The following TMEM108 variants were observed in gnomAD, a reference collection of about 807,000 sequenced individuals.
The protein encoded by TMEM108 is transmembrane protein 108.
A neutral mutation model predicts 35.1 loss-of-function variants in TMEM108; 12 were observed. The observed-to-expected ratio is 0.34, with a 90% CI of 0.22 to 0.55. The LOEUF is 0.55. Among genes scored for constraint, TMEM108 ranks in the 20% least tolerant of loss-of-function variants. The pLI, the probability that TMEM108 is intolerant of heterozygous loss-of-function variation, is 0.89. For synonymous variants in TMEM108, 287 were observed against 308.6 expected (o/e 0.93, Z 0.73); for missense variants, 680 against 753.3 (o/e 0.90, Z 1.14).
chr3:133,077,334 G>T (rs764824234), intron 2 of TMEM108, among the ~76,000 whole-genome samples: 9 of 152,068 alleles, frequency 5.9e-5, no homozygotes, highest in Non-Finnish European at 8.8e-5. Flanking sequence ...CTCTTTTATT[G>T]TAGTGATGGC....
chr3:133,281,017 C>T (rs576302495), intron 3 of TMEM108, among the ~76,000 whole-genome samples: 3 of 152,178 alleles, frequency 2.0e-5, no homozygotes, highest in African/African-American at 7.2e-5. Context: ...CAAGGCAAGC[C>T]TATATTCAAG....
At chr3:133,220,122 T>C (rs1422421337) in intron 2 of TMEM108, among the ~76,000 whole-genome samples, 1 of 151,900 alleles carries the variant, frequency 6.6e-6, no homozygotes, top group South Asian at 2.1e-4. Flanking sequence ...AAGTCTTTTT[T>C]ATCCGATAAA....
chr3:133,309,550 T>C (rs2071092968), intron 3 of TMEM108, among the ~76,000 whole-genome samples: 2 of 152,178 alleles, frequency 1.3e-5, no homozygotes, highest in Non-Finnish European at 2.9e-5. Context: ...CCAGAGATTC[T>C]GGTACGTCGT....
At chr3:133,341,689 A>C (rs2071665551) in intron 3 of TMEM108, among the ~76,000 whole-genome samples, 1 of 151,874 alleles carries the variant, frequency 6.6e-6, no homozygotes, top group Non-Finnish European at 1.5e-5. Flanking sequence ...ATAGACACAT[A>C]AATCAGTGGA....
intron 3 of TMEM108, among the ~76,000 whole-genome samples, chr3:133,274,260 T>G (rs912482028): frequency 6.6e-6 from 1 of 152,226 alleles, no homozygotes; most frequent in Non-Finnish European, 1.5e-5. Context: ...CATTTTGTTT[T>G]GTTTTTCATA....
At chr3:133,359,910 A>T (rs1471155115) in intron 3 of TMEM108, among the ~76,000 whole-genome samples, 1 of 151,898 alleles carries the variant, frequency 6.6e-6, no homozygotes, top group Non-Finnish European at 1.5e-5. Context: ...AGCTTTATTC[A>T]TAATAGCCCT....
intron 2 of TMEM108, among the ~76,000 whole-genome samples, chr3:133,185,924 C>T (rs1243843511): frequency 6.6e-5 from 10 of 152,044 alleles, no homozygotes; most frequent in African/African-American, 2.4e-4. Context: ...CATGCCACCA[C>T]GCCTGGCTGA....
At chr3:133,349,631 C>A (rs1464881896) in intron 3 of TMEM108, among the ~76,000 whole-genome samples, 4 of 151,482 alleles carry the variant, frequency 2.6e-5, no homozygotes, top group African/African-American at 9.7e-5. Flanking sequence ...AGCAAAAGAC[C>A]TTCACAGACA....
At chr3:133,293,480 G>A (rs1024241528) in intron 3 of TMEM108, among the ~76,000 whole-genome samples, 2 of 151,742 alleles carry the variant, frequency 1.3e-5, no homozygotes, top group African/African-American at 4.8e-5. Context: ...ACACTGTCCA[G>A]TATTGAATTA....
intron 3 of TMEM108, among the ~76,000 whole-genome samples, chr3:133,299,386 C>T (rs946769940): frequency 6.6e-6 from 1 of 152,192 alleles, no homozygotes; most frequent in Admixed American, 6.5e-5. Context: ...GAGGTCAAGC[C>T]GTGTTCTCTA....
chr3:133,193,971 C>G (rs1468997261), intron 2 of TMEM108, among the ~76,000 whole-genome samples: 1 of 146,268 alleles, frequency 6.8e-6, no homozygotes, highest in Non-Finnish European at 1.5e-5. Flanking sequence ...GAGCCTCACT[C>G]TGTCACTCAG....
chr3:133,339,337 C>T (rs893483794), intron 3 of TMEM108, among the ~76,000 whole-genome samples: 1 of 151,798 alleles, frequency 6.6e-6, no homozygotes, highest in Non-Finnish European at 1.5e-5. Context: ...GATTTCAAGA[C>T]AAAAGCTTTA....
rs781289220 is a variant in TMEM108, at chr3:133,256,858, A to G, written c.40+27507A>G. 7.2e-5 allele frequency among the ~76,000 whole-genome samples: 11 copies of G among 152,370 alleles called. No individual in the cohort carries two copies. The South Asian group carries it at 8.3e-4, about 11-fold the overall frequency. On this transcript the variant is annotated intron_variant, in intron 3 of 5. Coordinates refer to ENST00000321871, the MANE Select transcript of TMEM108 (RefSeq NM_023943.4). ...AAACTAGCCAGTTAAGTGCTCCACA[A>G]TTCACTTCATGAAATTACTATAACC...
At chr3:133,234,181 A>G (rs1946197888) in intron 3 of TMEM108, among the ~76,000 whole-genome samples, 1 of 151,756 alleles carries the variant, frequency 6.6e-6, no homozygotes, top group South Asian at 2.1e-4. Context: ...TAGGTCTAAC[A>G]TTTAAGTCTT....
intron 2 of TMEM108, among the ~76,000 whole-genome samples, chr3:133,176,062 A>G (rs1945222040): frequency 1.3e-5 from 2 of 152,256 alleles, no homozygotes; most frequent in African/African-American, 4.8e-5. Flanking sequence ...ACAAAGATCA[A>G]AAGAGACAAA....
At chr3:133,191,432 C>T (rs6792070) in intron 2 of TMEM108, among the ~76,000 whole-genome samples, 37,700 of 152,010 alleles carry the variant, frequency 0.25, 4,947 homozygotes, top group Middle Eastern at 0.38. Flanking sequence ...TGGCAGGGTA[C>T]GCTGGTTTAT....
At chr3:133,087,526 A>G (rs951996053) in intron 2 of TMEM108, among the ~76,000 whole-genome samples, 1 of 152,034 alleles carries the variant, frequency 6.6e-6, no homozygotes, top group African/African-American at 2.4e-5. Flanking sequence ...CTTTATGCTG[A>G]TCCTTAAAAA....
At chr3:133,162,964 C>T (rs1424823735) in intron 2 of TMEM108, among the ~76,000 whole-genome samples, 1 of 152,174 alleles carries the variant, frequency 6.6e-6, no homozygotes, top group Non-Finnish European at 1.5e-5. Context: ...ATAGTAACAT[C>T]TGGGGCTGGG....
chr3:133,145,631 C>CTT (rs1244036358), intron 2 of TMEM108, among the ~76,000 whole-genome samples: 82 of 152,094 alleles, frequency 5.4e-4, no homozygotes, highest in Non-Finnish European at 9.9e-4. Flanking sequence ...TGTGTCTGCT[C>CTT]TTATTTCGTT....
Sources: gnomAD v4.1 joint callset for allele counts (sites outside exome capture counted in the v4.1 genomes callset) on GRCh38, gnomAD v4.1.1 for gene constraint, MANE v1.5 for transcripts, NCBI Gene and HGNC (gene_info 2026-07-23, HGNC 2026-07-21) for gene names.